The following EYS variants were observed in gnomAD, a reference collection of about 807,000 sequenced individuals.
EYS encodes the protein protein eyes shut homolog.
In EYS, 250 loss-of-function variants were observed where a neutral mutation model predicts 282.1. The observed-to-expected ratio is 0.89, with a 90% confidence interval of 0.80 to 0.98. The LOEUF (loss-of-function observed/expected upper bound fraction) is 0.98. Ranked by LOEUF, EYS falls within the 50% of genes least tolerant of loss-of-function variation. EYS has a pLI of 0.00. For synonymous variants in EYS, 1,355 were observed against 1,282.9 expected (o/e 1.06, Z -1.20); for missense variants, 4,016 against 3,709.0 (o/e 1.08, Z -2.15).
At chr6:64,783,294 A>T (rs1250622766) in intron 22 of EYS, among the ~76,000 whole-genome samples, 3 of 151,658 alleles carry the variant, frequency 2.0e-5, no homozygotes, top group Admixed American at 1.3e-4. Context: ...CTATATACAT[A>T]TCCTATATAC....
chr6:63,723,071 TTAAA>T (rs1350267248), intron 42 of EYS, among the ~76,000 whole-genome samples: 1 of 152,178 alleles, frequency 6.6e-6, no homozygotes, highest in African/African-American at 2.4e-5. Context: ...TAAATAATTA[TTAAA>T]TAAAGAAATA....
intron 26 of EYS, among the ~76,000 whole-genome samples, chr6:64,450,328 C>G (rs531506464): frequency 6.6e-6 from 1 of 152,140 alleles, no homozygotes; most frequent in East Asian, 1.9e-4. Context: ...TATATATGCA[C>G]CCAATACAGG....
intron 12 of EYS, among the ~76,000 whole-genome samples, chr6:65,283,951 C>T (rs762104596): frequency 1.3e-5 from 2 of 152,044 alleles, no homozygotes; most frequent in Non-Finnish European, 2.9e-5. Context: ...AATCTTCTTG[C>T]CATTTCTGTG....
intron 2 of EYS, among the ~76,000 whole-genome samples, chr6:65,601,488 G>C (rs1453762507): frequency 6.6e-6 from 1 of 151,764 alleles, no homozygotes; most frequent in African/African-American, 2.4e-5. Flanking sequence ...GCCTCTTGCA[G>C]TGATTTTTGT....
chr6:64,018,757 G>GGGT (rs1769017435), intron 33 of EYS, among the ~76,000 whole-genome samples: 1 of 98,658 alleles, frequency 1.0e-5, no homozygotes, highest in African/African-American at 4.2e-5. Flanking sequence ...GTCATCACAA[G>GGGT]TGTTTTTTTT....
At chr6:63,872,633 C>T (rs530340963) in intron 35 of EYS, among the ~76,000 whole-genome samples, 2 of 152,106 alleles carry the variant, frequency 1.3e-5, no homozygotes, top group Admixed American at 6.5e-5. Context: ...CACATGCCGC[C>T]ATGCCTGGCT....
In EYS at chr6:65,245,697, TA is replaced by T. The variant is rs557943142; in HGVS notation, c.2023+50165del. 1.1e-3 allele frequency among the ~76,000 whole-genome samples: 158 copies of T among 147,316 alleles called. 1 individual carries two copies. Among genetic ancestry groups the T allele is most frequent in the African/African-American group, 3.4e-3 (136 of 40,358 alleles). On this transcript the variant is annotated intron_variant, in intron 12 of 42. Transcript: ENST00000503581. ...AATTGCACCTTCTCCTTAAAAAAAG[TA>T]AAAAAAAAAATTGAGGTACTAGCAG...
At chr6:64,170,447 A>T (rs1764445512) in intron 31 of EYS, among the ~76,000 whole-genome samples, 2 of 152,030 alleles carry the variant, frequency 1.3e-5, no homozygotes, top group South Asian at 4.2e-4. Flanking sequence ...CAGCAAGGCC[A>T]TACCCCTTCT....
chr6:64,710,352 C>T (rs969511369), intron 22 of EYS, among the ~76,000 whole-genome samples: 1 of 152,212 alleles, frequency 6.6e-6, no homozygotes, highest in African/African-American at 2.4e-5. Flanking sequence ...TACCACATCT[C>T]AGGTGGAAAA....
intron 26 of EYS, among the ~76,000 whole-genome samples, chr6:64,553,491 C>G (rs1261845776): frequency 1.4e-5 from 2 of 147,720 alleles, no homozygotes; most frequent in Non-Finnish European, 3.0e-5. Flanking sequence ...TAGTGAAAAG[C>G]TTCCTTTAAC....
At chr6:64,393,072 C>T (rs1413713954) in intron 28 of EYS, among the ~76,000 whole-genome samples, 3 of 152,284 alleles carry the variant, frequency 2.0e-5, no homozygotes, top group Admixed American at 2.0e-4. Context: ...TCTCCCAAGA[C>T]TAAACCAGGA....
At chr6:64,418,422 G>A (rs1774127923) in intron 28 of EYS, among the ~76,000 whole-genome samples, 1 of 152,026 alleles carries the variant, frequency 6.6e-6, no homozygotes, top group Non-Finnish European at 1.5e-5. Context: ...GTTTTTTCTT[G>A]CCTTTAAGTC....
chr6:64,060,339 G>A (rs1771123198), intron 33 of EYS, among the ~76,000 whole-genome samples: 1 of 152,004 alleles, frequency 6.6e-6, no homozygotes, highest in Admixed American at 6.6e-5. Context: ...TCCATATTGA[G>A]TTATAGGTCA....
intron 2 of EYS, among the ~76,000 whole-genome samples, chr6:65,521,951 T>G (rs1358494208): frequency 6.6e-6 from 1 of 152,294 alleles, no homozygotes; most frequent in East Asian, 1.9e-4. Context: ...ATTTAATTCA[T>G]TTTTGCTCAT....
rs947442654 is a variant in EYS at position 65,307,640 on chromosome 6, C to T, written c.1767-11521G>A. On this transcript the variant is annotated intron_variant, in intron 11 of 42. Transcript: ENST00000503581. ...TTAGCAGTTTTCAGGAGCTTCAATC[C>T]GTTAATTCTCAAATACATCCATAAA... 5.1e-4 allele frequency among the ~76,000 whole-genome samples: 71 copies of T among 137,926 alleles called. 8 individuals carry two copies. The highest frequency in any genetic ancestry group is 1.5e-3 in the Admixed American group (19 of 13,040). 90.5% of individuals were successfully genotyped at this position (137,926 alleles called of 152,430 possible).
At chr6:64,349,664 T>G (rs1771545585) in intron 29 of EYS, among the ~76,000 whole-genome samples, 1 of 151,390 alleles carries the variant, frequency 6.6e-6, no homozygotes, top group South Asian at 2.1e-4. Flanking sequence ...TAAAGTGTTT[T>G]TAGTTTTGTT....
intron 19 of EYS, among the ~76,000 whole-genome samples, chr6:64,839,903 C>T (rs1450742813): frequency 1.3e-5 from 2 of 152,012 alleles, no homozygotes; most frequent in African/African-American, 4.8e-5. Flanking sequence ...CACTTCCCCC[C>T]AAATCCCCAC....
In EYS at chr6:64,230,774, T is replaced by A. The variant is rs1766404430; in HGVS notation, c.6242A>T (p.Asp2081Val). 2 of 1,551,302 alleles carry A rather than the reference T, an allele frequency of 1.3e-6. No homozygotes were observed. The highest frequency in any genetic ancestry group is 1.7e-6 in the Non-Finnish European group (2 of 1,146,732). ...CATGGTATCAACCCCTTGTGTCACA[T>A]CAGAAGCATCAACAAAGGAGGCTGT... ...SPTASFVDAS[D>V]VTQGVDTMWT... The change falls in exon 31 of 43, where the codon GAT (aspartate) becomes GTT (valine). Residue 2081 changes from aspartate (D) to valine (V), a missense_variant. By Grantham distance (152) the Asp-to-Val change is radical. Transcript: ENST00000503581.
chr6:65,443,116 T>TCATATATGTACACATCATA (rs1029980922), intron 5 of EYS, among the ~76,000 whole-genome samples: 1 of 149,282 alleles, frequency 6.7e-6, no homozygotes, highest in African/African-American at 2.4e-5. Flanking sequence ...TATATGTGGA[T>TCATATATGTACACATCATA]CATATATGTA....
Sources: allele counts gnomAD v4.1 joint callset (sites outside exome capture counted in the v4.1 genomes callset), GRCh38; gene constraint gnomAD v4.1.1; transcripts MANE v1.5; gene names NCBI Gene and HGNC (gene_info 2026-07-23, HGNC 2026-07-21).